GRM8: variants seen among roughly 807,000 people sequenced by gnomAD.
GRM8 encodes metabotropic glutamate receptor 8.
A neutral mutation model predicts 87.2 loss-of-function variants in GRM8; 47 were observed. The observed-to-expected ratio is 0.54, with a 90% CI of 0.43 to 0.69. The LOEUF is 0.69. Among genes scored for constraint, GRM8 ranks in the 30% least tolerant of loss-of-function variants. The pLI is 0.00. For missense variants in GRM8, 1,019 were observed against 1,139.2 expected (o/e 0.89, Z 1.52); for synonymous variants, 396 against 404.5 (o/e 0.98, Z 0.25).
chr7:126,848,754 G>A (rs569162018), intron 6 of GRM8, among the ~76,000 whole-genome samples: 37 of 152,214 alleles, frequency 2.4e-4, no homozygotes, highest in Admixed American at 4.6e-4. Context: ...CCAGGAGGTC[G>A]AGGCTGCCAT....
At chr7:126,752,236 T>C (rs952584148) in intron 7 of GRM8, among the ~76,000 whole-genome samples, 6 of 152,100 alleles carry the variant, frequency 3.9e-5, no homozygotes. Flanking sequence ...TTCAAGGCAG[T>C]AGTGCACTAT....
intron 10 of GRM8, among the ~76,000 whole-genome samples, chr7:126,440,790 T>TAAC (rs1303153844): frequency 6.6e-6 from 1 of 152,000 alleles, no homozygotes; most frequent in Non-Finnish European, 1.5e-5. Flanking sequence ...CAAAATTGCC[T>TAAC]AACAACACAT....
At chr7:126,559,006 C>CCTCACATG (rs1793427148) in intron 8 of GRM8, among the ~76,000 whole-genome samples, 1 of 151,992 alleles carries the variant, frequency 6.6e-6, no homozygotes, top group Admixed American at 6.6e-5. Context: ...TGCAAAGCAC[C>CCTCACATG]CTCACATGTG....
At chr7:126,873,773 A>T (rs76625649) in intron 6 of GRM8, among the ~76,000 whole-genome samples, 1 of 152,064 alleles carries the variant, frequency 6.6e-6, no homozygotes, top group Non-Finnish European at 1.5e-5. Flanking sequence ...CAACATGGCA[A>T]CCTATTGGGC....
chr7:126,629,532 T>C (rs1163690468), intron 7 of GRM8, among the ~76,000 whole-genome samples: 1 of 152,180 alleles, frequency 6.6e-6, no homozygotes, highest in African/African-American at 2.4e-5. Flanking sequence ...TTTCTTAATG[T>C]TTGCAGAATT....
chr7:126,792,067 C>T (rs1821402548), intron 6 of GRM8, among the ~76,000 whole-genome samples: 1 of 152,110 alleles, frequency 6.6e-6, no homozygotes, highest in Admixed American at 6.6e-5. Flanking sequence ...GTGGTACATG[C>T]AAAATGCTGC....
intron 7 of GRM8, among the ~76,000 whole-genome samples, chr7:126,692,161 A>C (rs1808892466): frequency 6.6e-6 from 1 of 152,208 alleles, no homozygotes; most frequent in South Asian, 2.1e-4. Context: ...TCCTATAATA[A>C]AGACCTTGAC....
chr7:126,803,046 A>G (rs1027274177), intron 6 of GRM8, among the ~76,000 whole-genome samples: 1 of 152,236 alleles, frequency 6.6e-6, no homozygotes, highest in African/African-American at 2.4e-5. Flanking sequence ...GGCAGGTCAA[A>G]GAGATCAGTT....
At chr7:126,777,955 CT>C (rs1698813221) in intron 6 of GRM8, among the ~76,000 whole-genome samples, 1 of 152,048 alleles carries the variant, frequency 6.6e-6, no homozygotes, top group South Asian at 2.1e-4. Flanking sequence ...GTATTTTAGT[CT>C]TGGAAGGTGG....
chr7:127,231,954 A>T (rs892229746), intron 2 of GRM8, among the ~76,000 whole-genome samples: 1 of 151,768 alleles, frequency 6.6e-6, no homozygotes, highest in Admixed American at 6.6e-5. Context: ...AACTTTATTT[A>T]AAAAAATAGA....
At chr7:126,902,911 T>C (rs1329373489) in intron 5 of GRM8, among the ~76,000 whole-genome samples, 1 of 152,134 alleles carries the variant, frequency 6.6e-6, no homozygotes, top group Non-Finnish European at 1.5e-5. Context: ...CCTGGCTCTA[T>C]GAATAAGTAC....
chr7:127,003,638 A>G (rs11563512), intron 3 of GRM8, among the ~76,000 whole-genome samples: 10,459 of 151,844 alleles, frequency 0.069, 472 homozygotes, highest in Non-Finnish European at 0.11. Flanking sequence ...AACTACAGAA[A>G]TTGAGTTAAT....
chr7:126,712,397 T>C (rs1811196012), intron 7 of GRM8, among the ~76,000 whole-genome samples: 1 of 152,136 alleles, frequency 6.6e-6, no homozygotes, highest in African/African-American at 2.4e-5. Flanking sequence ...GATGTAATAA[T>C]AAAAACTTTT....
intron 6 of GRM8, among the ~76,000 whole-genome samples, chr7:126,774,752 A>T (rs1819233865): frequency 6.6e-6 from 1 of 152,170 alleles, no homozygotes; most frequent in African/African-American, 2.4e-5. Flanking sequence ...TTAAGTTGGC[A>T]AAACATTGTA....
rs187489216 is a variant in GRM8 at position 126,716,974 on chromosome 7, T to C, written c.1357+52891A>G. 2.0e-5 allele frequency among the ~76,000 whole-genome samples: 3 copies of C among 152,164 alleles called. No individual in the cohort carries two copies. The East Asian group carries it at 5.8e-4, about 29-fold the overall frequency. ...AAGAGTTCCTTAAAATCTTTTGAGG[T>C]GGAGAAAAGGAACTACATGAAAGAT... On this transcript the variant is annotated intron_variant, in intron 7 of 10. Transcript: ENST00000339582.
rs183801710 is a variant in GRM8, at chr7:126,919,019, C to T, written c.728-14336G>A. Among the ~76,000 whole-genome samples the T allele has an allele frequency of 3.7e-3, 557 of 152,106 alleles. 4 individuals are homozygous for T. The highest frequency in any genetic ancestry group is 0.013 in the African/African-American group (524 of 41,466). The stretch of plus-strand genomic sequence containing the variant: ...ATAAAACTCATTCTCCTTGCAAATG[C>T]GTTATAGCTTAACCATATATAACAT... On this transcript the variant is annotated intron_variant, in intron 3 of 10. Coordinates refer to ENST00000339582, the MANE Select transcript of GRM8 (RefSeq NM_000845.3).
intron 3 of GRM8, among the ~76,000 whole-genome samples, chr7:127,053,741 C>T (rs1819701400): frequency 7.2e-6 from 1 of 139,740 alleles, no homozygotes; most frequent in South Asian, 2.3e-4. Context: ...TGAGCTAAGA[C>T]CACACCATTA....
chr7:126,528,612 AGTT>A (rs1814286914), intron 9 of GRM8, among the ~76,000 whole-genome samples: 1 of 87,130 alleles, frequency 1.1e-5, no homozygotes, highest in Non-Finnish European at 2.3e-5. Context: ...AGACAAAAGA[AGTT>A]GTGTGTGTGT....
intron 9 of GRM8, among the ~76,000 whole-genome samples, chr7:126,476,162 T>C (rs1357788756): frequency 6.6e-6 from 1 of 152,110 alleles, no homozygotes; most frequent in African/African-American, 2.4e-5. Context: ...CTCAGGAGGC[T>C]GAGGTGGGAG....
Sources: gnomAD v4.1 joint callset for allele counts (sites outside exome capture counted in the v4.1 genomes callset) on GRCh38, gnomAD v4.1.1 for gene constraint, MANE v1.5 for transcripts, NCBI Gene and HGNC (gene_info 2026-07-23, HGNC 2026-07-21) for gene names.